Variants in CHRM2 observed in about 807,000 individuals in gnomAD.
The protein encoded by CHRM2 is cholinergic receptor muscarinic 2.
In CHRM2, 8 loss-of-function variants were observed where a neutral mutation model predicts 25.0. The observed-to-expected ratio is 0.32, with a 90% CI of 0.19 to 0.58. The LOEUF is 0.58. CHRM2 is among the 20% of genes least tolerant of loss of function. CHRM2 has a pLI of 0.88. For synonymous variants in CHRM2, 202 were observed against 205.7 expected, an observed-to-expected ratio of 0.98 and a Z score of 0.15; for missense variants, 440 against 567.1, an observed-to-expected ratio of 0.78 and a Z score of 2.28.
intron 2 of CHRM2, among the ~76,000 whole-genome samples, chr7:136,971,335 T>G (rs1308545355): frequency 6.6e-6 from 1 of 152,138 alleles, no homozygotes; most frequent in East Asian, 1.9e-4. Context: ...ACTAGTTCAG[T>G]AAGTTTAAAG....
At chr7:136,995,551 C>T (rs776397431) in intron 3 of CHRM2, among the ~76,000 whole-genome samples, 4 of 151,980 alleles carry the variant, frequency 2.6e-5, no homozygotes, top group Non-Finnish European at 4.4e-5. Context: ...TCACTTGAGC[C>T]CAGGAATTCA....
chr7:136,943,462 T>C (rs985754013), intron 2 of CHRM2, among the ~76,000 whole-genome samples: 3 of 152,222 alleles, frequency 2.0e-5, no homozygotes, highest in Admixed American at 6.5e-5. Context: ...TTTGTTTCTT[T>C]TACTAATGCA....
chr7:136,983,043 C>A (rs1319539855), intron 2 of CHRM2, among the ~76,000 whole-genome samples: 5 of 152,210 alleles, frequency 3.3e-5, no homozygotes, highest in Admixed American at 2.6e-4. Context: ...TGTTTTCCAA[C>A]TTGGTTCCGT....
intron 2 of CHRM2, among the ~76,000 whole-genome samples, chr7:136,892,154 TATG>T (rs931779047): frequency 2.0e-5 from 3 of 152,234 alleles, no homozygotes; most frequent in African/African-American, 7.2e-5. Flanking sequence ...ACTGGATACT[TATG>T]ATGATAATTT....
intron 2 of CHRM2, among the ~76,000 whole-genome samples, chr7:136,950,515 T>A (rs1800345176): frequency 6.6e-6 from 1 of 152,096 alleles, no homozygotes; most frequent in Non-Finnish European, 1.5e-5. Flanking sequence ...CTTTCCCACA[T>A]CTGTGAAGGA....
At chr7:137,003,929 T>C (rs1382684772) in intron 3 of CHRM2, among the ~76,000 whole-genome samples, 1 of 152,060 alleles carries the variant, frequency 6.6e-6, no homozygotes, top group Non-Finnish European at 1.5e-5. Flanking sequence ...GCTCGGCACT[T>C]CTCTCCCCTG....
At chr7:136,989,876 G>A (rs1803102175) in intron 2 of CHRM2, among the ~76,000 whole-genome samples, 1 of 152,074 alleles carries the variant, frequency 6.6e-6, no homozygotes, top group Admixed American at 6.6e-5. Context: ...TGAAGTCTGA[G>A]TTTCTTAAGC....
intron 2 of CHRM2, among the ~76,000 whole-genome samples, chr7:136,950,444 A>G (rs1800340718): frequency 1.3e-5 from 2 of 152,132 alleles, no homozygotes; most frequent in African/African-American, 2.4e-5. Context: ...ACCTCCCATG[A>G]TACCTGTCTT....
At chr7:136,999,426 G>A (rs1803833314) in intron 3 of CHRM2, among the ~76,000 whole-genome samples, 1 of 151,840 alleles carries the variant, frequency 6.6e-6, no homozygotes, top group South Asian at 2.1e-4. Context: ...TTAAGTTTTA[G>A]GGTACATGTG....
chr7:136,907,490 C>T (rs1797619162), intron 2 of CHRM2, among the ~76,000 whole-genome samples: 1 of 151,886 alleles, frequency 6.6e-6, no homozygotes, highest in East Asian at 1.9e-4. Context: ...TATCAAGAAG[C>T]ACCAAATCAG....
chr7:136,912,072 A>AAAAGACAGGTCTT (rs1183376661), intron 2 of CHRM2, among the ~76,000 whole-genome samples: 2 of 151,962 alleles, frequency 1.3e-5, no homozygotes, highest in African/African-American at 4.8e-5. Context: ...AAAGGTGATT[A>AAAAGACAGGTCTT]AAAGACAGGT....
At chr7:136,874,961 A>G (rs1007162442) in intron 2 of CHRM2, among the ~76,000 whole-genome samples, 1 of 151,400 alleles carries the variant, frequency 6.6e-6, no homozygotes, top group African/African-American at 2.4e-5. Flanking sequence ...CTGCACATTT[A>G]AGTCTTTAAG....
In CHRM2 at chr7:136,973,229, T is replaced by C. The variant is rs324597; in HGVS notation, c.-124-18958T>C. Among the ~76,000 whole-genome samples, 7 of 97,150 alleles carry C rather than the reference T, an allele frequency of 7.2e-5. No homozygotes were observed. The East Asian group carries it at 1.2e-3, about 17-fold the overall frequency. The allele number at this position is 97,150 out of a possible 152,430, so 63.7% of individuals were successfully genotyped here. ...TGTTAGGGATGGTGGCAGGTGATGA[T>C]GGTGACGGTGTTAGGGATGGTGGCA... On this transcript the variant is annotated intron_variant, in intron 2 of 3. Transcript: ENST00000680005.
intron 2 of CHRM2, among the ~76,000 whole-genome samples, chr7:136,988,734 A>C (rs1180256442): frequency 1.3e-5 from 2 of 152,104 alleles, no homozygotes; most frequent in Non-Finnish European, 2.9e-5. Context: ...TGAGATAATA[A>C]AGCACCAAGT....
chr7:136,938,690 G>A (rs1463945825), intron 2 of CHRM2: 6 of 772,084 alleles, frequency 7.8e-6, no homozygotes, highest in Middle Eastern at 3.5e-4. Context: ...CCAGGGGCCA[G>A]AGGTGGACAC....
intron 2 of CHRM2, among the ~76,000 whole-genome samples, chr7:136,965,597 A>G (rs1372093034): frequency 6.6e-6 from 1 of 152,094 alleles, no homozygotes; most frequent in Admixed American, 6.6e-5. Context: ...TGGTCTAGAA[A>G]TAAATGACAC....
chr7:136,906,970 G>A (rs545600789), intron 2 of CHRM2: 21 of 154,390 alleles, frequency 1.4e-4, no homozygotes, highest in African/African-American at 5.1e-4. Flanking sequence ...CCCCATCTGG[G>A]GGTGATGGGA....
At chr7:137,012,103 G>A (rs1804863755) in intron 3 of CHRM2, among the ~76,000 whole-genome samples, 1 of 151,954 alleles carries the variant, frequency 6.6e-6, no homozygotes, top group Non-Finnish European at 1.5e-5. Context: ...AAAATGCAGA[G>A]TCAATACATT....
chr7:136,905,309 C>T (rs928920080), intron 2 of CHRM2, among the ~76,000 whole-genome samples: 3 of 151,774 alleles, frequency 2.0e-5, no homozygotes, highest in African/African-American at 7.3e-5. Context: ...CACATGCACA[C>T]AAAATGCACT....
Sources: gnomAD v4.1 joint callset for allele counts (sites outside exome capture counted in the v4.1 genomes callset) on GRCh38, gnomAD v4.1.1 for gene constraint, MANE v1.5 for transcripts, NCBI Gene and HGNC (gene_info 2026-07-23, HGNC 2026-07-21) for gene names.